ADA2: variants seen among roughly 807,000 people sequenced by gnomAD.
ADA2 encodes adenosine deaminase CECR1.
A neutral mutation model predicts 44.2 loss-of-function variants in ADA2; 29 were observed. That is an observed-to-expected ratio of 0.66 (90% confidence interval 0.49 to 0.89). The LOEUF (loss-of-function observed/expected upper bound fraction) is 0.89. Ranked by LOEUF, ADA2 falls within the 40% of genes least tolerant of loss-of-function variation. The pLI is 0.00. For missense variants in ADA2, 637 were observed against 644.8 expected (o/e 0.99, Z 0.13); for synonymous variants, 215 against 234.9 (o/e 0.92, Z 0.77).
chr22:17,182,481 G>T, intron 8 of ADA2, 123 bp downstream of exon 8: 1 of 969,170 alleles, frequency 1.0e-6, no homozygotes, highest in Non-Finnish European at 1.6e-6. Flanking sequence ...AGGGGTAGGA[G>T]AGTGGAGGGA....
In ADA2 at chr22:17,182,026, C is replaced by A. The variant is rs543336918; in HGVS notation, c.1240-4G>T. 6.2e-7 allele frequency: 1 copy of A among 1,610,894 alleles called. No individual in the cohort carries two copies. Among genetic ancestry groups the A allele is most frequent in the Admixed American group, 1.7e-5 (1 of 59,844 alleles). ...AGTCAGACACCAGTTTCAGCACCTG[C>A]GCAATAGGAGGGAAGGGAGAAAGAT... On this transcript the variant is annotated splice_polypyrimidine_tract_variant and splice_region_variant and intron_variant, in intron 8 of 9. Transcript: ENST00000399837.
At chr22:17,214,039 C>CAAAAAA (rs35502604) in intron 1 of ADA2, 154 of 285,798 alleles carry the variant, frequency 5.4e-4, no homozygotes, top group East Asian at 6.5e-4. Context: ...AACTCTGTCT[C>CAAAAAA]AAAAAAAAAA....
At chr22:17,181,637 A>G (rs1336083131) in intron 9 of ADA2, 61 bp from the exon 10 acceptor site, 4 of 1,252,180 alleles carry the variant, frequency 3.2e-6, no homozygotes, top group Non-Finnish European at 3.5e-6. Context: ...CGGGGCAGGG[A>G]GCCTGAGAGG....
chr22:17,184,138 G>A (rs951325163), intron 7 of ADA2, among the ~76,000 whole-genome samples: 5 of 146,430 alleles, frequency 3.4e-5, no homozygotes, highest in Non-Finnish European at 7.5e-5. Flanking sequence ...TTTTTTTTTT[G>A]TATTTTTAGT....
intron 4 of ADA2, 43 bp downstream of exon 4, chr22:17,203,520 G>A: frequency 1.3e-6 from 2 of 1,507,452 alleles, no homozygotes; most frequent in East Asian, 4.5e-5. Flanking sequence ...AGTCAGGCCA[G>A]AGCAAAGGAG....
Position 17,181,581 on chromosome 22 carries a change from AG to A in ADA2, c.1443-6del. ...CTCTCCAACAGGGTACTGTACCTGC[AG>A]GAAGAGGAGGAGCCCAGGTCAGCCT... On this transcript the variant is annotated splice_polypyrimidine_tract_variant and splice_region_variant and intron_variant, in intron 9 of 9. Coordinates refer to ENST00000399837, the MANE Select transcript of ADA2 (RefSeq NM_001282225.2). The A allele has an allele frequency of 6.3e-7, 1 of 1,590,052 alleles. No individual in the cohort carries two copies. Among genetic ancestry groups the A allele is most frequent in the South Asian group, 1.1e-5 (1 of 90,612 alleles).
intron 7 of ADA2, among the ~76,000 whole-genome samples, chr22:17,183,456 CTTTTTTTTTTTTT>C (rs1227906560): frequency 1.3e-5 from 1 of 77,420 alleles, no homozygotes; most frequent in Non-Finnish European, 2.5e-5. Context: ...TTGTGGCACT[CTTTTTTTTTTTTT>C]TTTTTTTTTG....
chr22:17,204,064 T>C (rs1166604071), intron 3 of ADA2, among the ~76,000 whole-genome samples: 3 of 152,192 alleles, frequency 2.0e-5, no homozygotes, highest in Non-Finnish European at 4.4e-5. Context: ...TCCCTCTGTA[T>C]GCTTGGCCAG....
At chr22:17,184,042 T>C (rs968357662) in intron 7 of ADA2, among the ~76,000 whole-genome samples, 2 of 133,364 alleles carry the variant, frequency 1.5e-5, no homozygotes, top group Admixed American at 8.9e-5. Flanking sequence ...CACTGCAAGC[T>C]CCACTTCCCG....
chr22:17,185,814 GCCCACCA>G lies in ADA2; in HGVS notation c.1081+2518_1081+2524del, dbSNP rs1434118438. On this transcript the variant is annotated intron_variant, in intron 7 of 9. Coordinates refer to ENST00000399837, the MANE Select transcript of ADA2 (RefSeq NM_001282225.2). ...TTAAGCCTGGGTGGGAAATGAAATT[GCCCACCA>G]CTCTCTCCACCCCTCTTTGGTCTTC... Among the ~76,000 whole-genome samples the G allele has an allele frequency of 1.4e-4, 21 of 152,286 alleles. No homozygotes were observed. In the South Asian group the frequency reaches 3.3e-3, roughly 24 times the overall value.
chr22:17,219,606 A>G (rs1219234514), upstream of ADA2: 1 of 141,716 alleles, frequency 7.1e-6, no homozygotes, highest in Non-Finnish European at 1.5e-5. Flanking sequence ...GCTTGTGCGC[A>G]TGTTCATGTG....
chr22:17,203,372 C>T (rs189930456), intron 4 of ADA2, among the ~76,000 whole-genome samples, 191 bp downstream of exon 4: 75 of 152,188 alleles, frequency 4.9e-4, no homozygotes, highest in African/African-American at 1.8e-3. Context: ...GGAATGTGTT[C>T]CCAGTTTTGC....
At chr22:17,212,255 G>T (rs2062427120) in intron 1 of ADA2, among the ~76,000 whole-genome samples, 1 of 151,986 alleles carries the variant, frequency 6.6e-6, no homozygotes, top group Non-Finnish European at 1.5e-5. Flanking sequence ...TCGAACTCCT[G>T]ACCTCAGGTG....
chr22:17,212,462 C>T (rs1203544740), intron 1 of ADA2, among the ~76,000 whole-genome samples: 4 of 151,882 alleles, frequency 2.6e-5, no homozygotes, highest in South Asian at 4.2e-4. Context: ...GTAGTAGAGA[C>T]GGAGTTTCAC....
At chr22:17,208,057 C>G (rs1213406956) in intron 2 of ADA2, among the ~76,000 whole-genome samples, 1 of 152,096 alleles carries the variant, frequency 6.6e-6, no homozygotes, top group Non-Finnish European at 1.5e-5. Flanking sequence ...TCTTATGCCT[C>G]CCAGCAACTG....
upstream of ADA2, among the ~76,000 whole-genome samples, chr22:17,220,719 C>T (rs556856435): frequency 6.6e-6 from 1 of 152,140 alleles, no homozygotes; most frequent in African/African-American, 2.4e-5. Context: ...AAATCTACCC[C>T]CAAAAGCCCA....
intron 5 of ADA2, 62 bp downstream of exon 5, chr22:17,191,621 C>A: frequency 6.3e-7 from 1 of 1,580,090 alleles, no homozygotes; most frequent in South Asian, 1.2e-5. Context: ...CCCTCCCAGC[C>A]TAGTAGCTCT....
rs770042365 is a variant in ADA2, at chr22:17,209,465, C to T, written c.213G>A (p.Met71Ile). ...ERLMTLKIAE[M>I]KEAMRTLIFP... is the part of the protein sequence containing the mutation. ...ATATCAGGGTCCTCATGGCCTCCTT[C>T]ATCTCAGCGATTTTGAGCGTCATGA... Residue 71 changes from methionine to isoleucine, a missense_variant, in exon 2 of 10, where the codon ATG becomes ATA. Met to Ile is a conservative substitution (Grantham distance 10, BLOSUM62 1). Transcript: ENST00000399837. 6.8e-6 allele frequency: 11 copies of T among 1,614,178 alleles called. No homozygotes were observed. The highest frequency in any genetic ancestry group is 8.5e-6 in the Non-Finnish European group (10 of 1,180,024).
intron 4 of ADA2, among the ~76,000 whole-genome samples, chr22:17,203,095 C>G (rs990337922): frequency 6.6e-6 from 1 of 152,082 alleles, no homozygotes; most frequent in Admixed American, 6.6e-5. Context: ...TTTTCTACTC[C>G]CAGAAATGGG....
Sources: allele counts gnomAD v4.1 joint callset (sites outside exome capture counted in the v4.1 genomes callset), GRCh38; gene constraint gnomAD v4.1.1; transcripts MANE v1.5; gene names NCBI Gene and HGNC (gene_info 2026-07-23, HGNC 2026-07-21).